Variants in SOS1 observed in about 807,000 individuals in gnomAD.
SOS1 encodes the protein SOS Ras/Rac guanine nucleotide exchange factor 1.
SOS1 carries 25 observed loss-of-function variants against 157.6 expected under a neutral mutation model. That is an observed-to-expected ratio of 0.16 (90% confidence interval 0.12 to 0.22). The LOEUF is 0.22. Ranked by LOEUF, SOS1 falls within the 10% of genes least tolerant of loss-of-function variation. The pLI, the probability that SOS1 is intolerant of heterozygous loss-of-function variation, is 1.00. For synonymous variants in SOS1, 528 were observed against 534.0 expected, an observed-to-expected ratio of 0.99 and a Z score of 0.16; for missense variants, 1,237 against 1,599.1, an observed-to-expected ratio of 0.77 and a Z score of 3.86.
At chr2:39,118,338 T>A (rs900277826) in intron 1 of SOS1, among the ~76,000 whole-genome samples, 1 of 152,202 alleles carries the variant, frequency 6.6e-6, no homozygotes, top group Non-Finnish European at 1.5e-5. Flanking sequence ...TATGGAGATA[T>A]CCACATGAAA....
chr2:39,004,282 G>A (rs958769124), intron 17 of SOS1, among the ~76,000 whole-genome samples: 4 of 151,834 alleles, frequency 2.6e-5, no homozygotes, highest in Admixed American at 6.6e-5. Flanking sequence ...AGCTGGGTGT[G>A]GTGGTGGGCG....
intron 1 of SOS1, among the ~76,000 whole-genome samples, chr2:39,106,611 A>AG (rs1256503713): frequency 6.4e-4 from 95 of 149,184 alleles, no homozygotes; most frequent in Non-Finnish European, 4.1e-4. Flanking sequence ...ACAAAAAAAA[A>AG]AACAAAACAT....
At chr2:39,029,303 A>C (rs1463895711) in intron 8 of SOS1, among the ~76,000 whole-genome samples, 1 of 152,174 alleles carries the variant, frequency 6.6e-6, no homozygotes, top group African/African-American at 2.4e-5. Context: ...CTAACTACAA[A>C]TGTACCTCAC....
intron 4 of SOS1, among the ~76,000 whole-genome samples, chr2:39,055,558 A>C (rs1671185532): frequency 6.6e-6 from 1 of 152,174 alleles, no homozygotes; most frequent in Non-Finnish European, 1.5e-5. Context: ...AAAATACCCA[A>C]ACATTTGAAA....
chr2:39,120,129 C>G lies in SOS1; in HGVS notation c.87+207G>C, dbSNP rs528488419. On this transcript the variant is annotated intron_variant, in intron 1 of 22. Transcript: ENST00000402219. The stretch of plus-strand genomic sequence containing the variant: ...GATTATCCGGATAAACTCCCCCCGG[C>G]TCCCTGCGGCATTCCCACACACCCG... Among the ~76,000 whole-genome samples the G allele has an allele frequency of 6.6e-5, 10 of 152,296 alleles. No individual in the cohort carries two copies. The South Asian group carries it at 2.1e-3, about 32-fold the overall frequency.
chr2:39,031,502 G>C (rs199727966), intron 8 of SOS1, among the ~76,000 whole-genome samples: 1 of 152,128 alleles, frequency 6.6e-6, no homozygotes, highest in Non-Finnish European at 1.5e-5. Flanking sequence ...GGCCGAGGTG[G>C]GCAGATCACT....
intron 10 of SOS1, among the ~76,000 whole-genome samples, 175 bp from the exon 11 acceptor site, chr2:39,015,021 G>T (rs1669587623): frequency 6.6e-6 from 1 of 152,082 alleles, no homozygotes; most frequent in African/African-American, 2.4e-5. Flanking sequence ...TCCTAAATTA[G>T]TGGTGATATT....
intron 6 of SOS1, among the ~76,000 whole-genome samples, chr2:39,042,544 C>T (rs920235557): frequency 7.9e-5 from 12 of 151,876 alleles, no homozygotes; most frequent in Admixed American, 2.0e-4. Context: ...GCTGAGATCA[C>T]AGATGCCCGC....
Position 39,120,351 on chromosome 2 carries a change from C to T in SOS1, c.72G>A (p.Val24=). The stretch of plus-strand genomic sequence containing the variant: ...TGCTCCTCACCTTTTTCAGCGCAGG[C>T]ACCAGTAGTCCCCGCCACTTGGGCG... ...ENAPKWRGLL[V]PALKKVQGQV... The change falls in exon 1 of 23, where the codon GTG becomes GTA. Residue 24 remains valine (V), a synonymous_variant. Coordinates refer to ENST00000402219, the MANE Select transcript of SOS1 (RefSeq NM_005633.4). The T allele has an allele frequency of 6.3e-7, 1 of 1,591,480 alleles. No individual in the cohort carries two copies. The highest frequency in any genetic ancestry group is 8.5e-7 in the Non-Finnish European group (1 of 1,169,964).
At chr2:39,084,886 G>C (rs1672320188) in intron 1 of SOS1, among the ~76,000 whole-genome samples, 1 of 152,158 alleles carries the variant, frequency 6.6e-6, no homozygotes, top group Non-Finnish European at 1.5e-5. Flanking sequence ...CAAGAAAAGA[G>C]TCTCTGATGA....
chr2:39,118,934 T>A (rs1478271195), intron 1 of SOS1, among the ~76,000 whole-genome samples: 1 of 152,256 alleles, frequency 6.6e-6, no homozygotes, highest in Non-Finnish European at 1.5e-5. Flanking sequence ...CCTTGGTGAT[T>A]CCCCTGGGAA....
intron 1 of SOS1, among the ~76,000 whole-genome samples, chr2:39,119,696 A>G (rs1673791560): frequency 6.6e-6 from 1 of 151,526 alleles, no homozygotes; most frequent in South Asian, 2.1e-4. Context: ...TTAAACATAC[A>G]AAGGCTAAAA....
chr2:38,989,711 GAA>G (rs1206124889), intron 20 of SOS1, among the ~76,000 whole-genome samples: 1 of 151,916 alleles, frequency 6.6e-6, no homozygotes, highest in Non-Finnish European at 1.5e-5. Context: ...TATGTAAGTT[GAA>G]AAATAAAAAA....
chr2:39,110,814 C>A (rs1255152429), intron 1 of SOS1, among the ~76,000 whole-genome samples: 1 of 152,200 alleles, frequency 6.6e-6, no homozygotes, highest in Non-Finnish European at 1.5e-5. Flanking sequence ...GTATTAAAAA[C>A]TCCTGGCTGG....
At chr2:39,012,396 T>C in intron 13 of SOS1, 48 bp from the exon 14 acceptor site, 1 of 821,838 alleles carries the variant, frequency 1.2e-6, no homozygotes, top group Non-Finnish European at 1.7e-6. Context: ...CTTTATTTAA[T>C]ATTTTATATT....
chr2:38,985,778 C>A lies in SOS1; in HGVS notation c.*46G>T. 1 of 1,612,134 alleles carries A rather than the reference C, an allele frequency of 6.2e-7. No homozygotes were observed. The highest frequency in any genetic ancestry group is 8.5e-7 in the Non-Finnish European group (1 of 1,179,034). ...GCACATTCAGTGCATCCATTGCCAG[C>A]AATGGATTTGGGGCTAGGAAAATAT... On this transcript the variant is annotated 3_prime_UTR_variant, in exon 23 of 23. Coordinates refer to ENST00000402219, the MANE Select transcript of SOS1 (RefSeq NM_005633.4).
Position 39,024,114 on chromosome 2 carries a change from A to T in SOS1, c.1098T>A (p.Asp366Glu), listed in dbSNP as rs730881040. 29 of 1,611,204 alleles carry T rather than the reference A, an allele frequency of 1.8e-5. No homozygotes were observed. The Middle Eastern group carries it at 4.8e-3, about 266-fold the overall frequency. The change falls in exon 9 of 23, where the codon GAT becomes GAA. Residue 366 changes from aspartate (D) to glutamate (E), a missense_variant. Transcript: ENST00000402219. The stretch of plus-strand genomic sequence containing the variant: ...GTTTTAAACATTCCTTGTCTTCTTG[A>T]TCTTCACTTTTTTCTTCTAACTGCT... ...LLKQLEEKSE[D>E]QEDKECLKQA...
rs999030328 is a variant in SOS1 at position 39,038,461 on chromosome 2, C to T, written c.865-2961G>A. Among the ~76,000 whole-genome samples, 5 of 151,770 alleles carry T rather than the reference C, an allele frequency of 3.3e-5. No individual in the cohort carries two copies. The East Asian group carries it at 5.8e-4, about 18-fold the overall frequency. On this transcript the variant is annotated intron_variant, in intron 6 of 22. Coordinates refer to ENST00000402219, the MANE Select transcript of SOS1 (RefSeq NM_005633.4). ...CAAAGAAAGTGGTTTCTTGGCTGGG[C>T]GCGGTGGCTCACGCCTGTAATCCCA... is the stretch of plus-strand genomic sequence containing the variant.
intron 1 of SOS1, among the ~76,000 whole-genome samples, chr2:39,112,497 T>C (rs970057469): frequency 6.6e-6 from 1 of 152,058 alleles, no homozygotes; most frequent in Non-Finnish European, 1.5e-5. Flanking sequence ...GAGACGGTGT[T>C]TCACCATGTT....
Sources: gnomAD v4.1 joint callset for allele counts (sites outside exome capture counted in the v4.1 genomes callset) on GRCh38, gnomAD v4.1.1 for gene constraint, MANE v1.5 for transcripts, NCBI Gene and HGNC (gene_info 2026-07-23, HGNC 2026-07-21) for gene names.